SUMF1: variants seen among roughly 807,000 people sequenced by gnomAD.
SUMF1 encodes formylglycine-generating enzyme.
In SUMF1, 48 loss-of-function variants were observed where a neutral mutation model predicts 47.6. That is an observed-to-expected ratio of 1.01 (90% CI 0.80 to 1.28). The LOEUF (loss-of-function observed/expected upper bound fraction) is 1.28, where lower values mean the gene tolerates loss of function less well. Ranked by LOEUF, SUMF1 falls within the 50% of genes most tolerant of loss-of-function variation. SUMF1 has a pLI of 0.00. For synonymous variants in SUMF1, 230 were observed against 192.1 expected, an observed-to-expected ratio of 1.20 and a Z score of -1.63; for missense variants, 571 against 485.4, an observed-to-expected ratio of 1.18 and a Z score of -1.66.
At chr3:4,036,849 CAAAAAAAAAA>C (rs3048145) in intron 9 of SUMF1, among the ~76,000 whole-genome samples, 6 of 75,144 alleles carry the variant, frequency 8.0e-5, no homozygotes, top group Admixed American at 1.2e-4. Context: ...GTCAGTGAGG[CAAAAAAAAAA>C]AAAAAAAAAA....
At chr3:4,192,015 C>T (rs1365806669) in intron 8 of SUMF1, among the ~76,000 whole-genome samples, 1 of 152,030 alleles carries the variant, frequency 6.6e-6, no homozygotes, top group Non-Finnish European at 1.5e-5. Flanking sequence ...TATTTAAAAA[C>T]AATTAAGAAA....
intron 3 of SUMF1, among the ~76,000 whole-genome samples, chr3:4,433,191 C>G (rs1470329802): frequency 6.6e-6 from 1 of 152,184 alleles, no homozygotes; most frequent in Non-Finnish European, 1.5e-5. Context: ...ATTCGAGGGG[C>G]AGGGAACATC....
At chr3:4,277,060 T>C (rs1384283583) in intron 8 of SUMF1, among the ~76,000 whole-genome samples, 3 of 152,096 alleles carry the variant, frequency 2.0e-5, no homozygotes, top group Non-Finnish European at 1.5e-5. Context: ...AATCCAGTGG[T>C]TCCCAAACCT....
intron 7 of SUMF1, among the ~76,000 whole-genome samples, chr3:4,386,936 G>T (rs1420834249): frequency 6.6e-6 from 1 of 151,108 alleles, no homozygotes; most frequent in Non-Finnish European, 1.5e-5. Flanking sequence ...TAACCAGACT[G>T]CACTCCTGGA....
At chr3:4,053,463 C>T (rs1001101317) in intron 9 of SUMF1, among the ~76,000 whole-genome samples, 2 of 152,104 alleles carry the variant, frequency 1.3e-5, no homozygotes, top group African/African-American at 4.8e-5. Context: ...AATAGCCTTG[C>T]TTTACGCAAG....
intron 8 of SUMF1, among the ~76,000 whole-genome samples, chr3:4,365,062 T>G (rs1184163518): frequency 2.0e-5 from 3 of 151,860 alleles, no homozygotes; most frequent in Non-Finnish European, 2.9e-5. Flanking sequence ...CTAGTTTGAT[T>G]GCACTGTGGT....
At chr3:4,082,313 CA>C (rs746062085) in intron 8 of SUMF1, among the ~76,000 whole-genome samples, 2 of 151,120 alleles carry the variant, frequency 1.3e-5, no homozygotes, top group South Asian at 2.1e-4. Context: ...ACAAAAAGTA[CA>C]AAAAAAATAG....
intron 8 of SUMF1, among the ~76,000 whole-genome samples, chr3:4,191,268 G>A (rs1553607535): frequency 2.0e-5 from 3 of 152,210 alleles, no homozygotes; most frequent in East Asian, 1.9e-4. Flanking sequence ...GTGGGTTGGA[G>A]AGAGGGCAAA....
intron 7 of SUMF1, among the ~76,000 whole-genome samples, chr3:4,385,105 C>T (rs1700630638): frequency 6.6e-6 from 1 of 151,994 alleles, no homozygotes; most frequent in South Asian, 2.1e-4. Flanking sequence ...AGGCTGGTCT[C>T]GAACTCCTGA....
At chr3:4,170,841 G>A (rs1694817985) in intron 8 of SUMF1, among the ~76,000 whole-genome samples, 2 of 152,120 alleles carry the variant, frequency 1.3e-5, no homozygotes, top group African/African-American at 2.4e-5. Flanking sequence ...ACAAAAAGGA[G>A]AATAGCCAGC....
At chr3:4,104,666 T>TTATCTCTC (rs1553600529) in intron 8 of SUMF1, among the ~76,000 whole-genome samples, 5 of 146,752 alleles carry the variant, frequency 3.4e-5, no homozygotes, top group African/African-American at 1.0e-4. Flanking sequence ...AAATCTCGAT[T>TTATCTCTC]TCTCTCTCTC....
chr3:4,147,848 T>C (rs571946333), intron 8 of SUMF1, among the ~76,000 whole-genome samples: 43 of 152,228 alleles, frequency 2.8e-4, no homozygotes, highest in African/African-American at 7.5e-4. Flanking sequence ...AATTTCCCCT[T>C]CCCTGATCTT....
At chr3:4,101,960 CA>C (rs1452090286) in intron 8 of SUMF1, among the ~76,000 whole-genome samples, 16 of 152,178 alleles carry the variant, frequency 1.1e-4, no homozygotes, top group African/African-American at 3.9e-4. Context: ...CACAGAGTGG[CA>C]GAAGAGCGAA....
In SUMF1 at chr3:4,267,828, C is replaced by T. The variant is rs375295152; in HGVS notation, c.1014+108502G>A. ...TCAACCATTGTGGAAGTCAGTGTGGCGATTCCTCAGGGATCTAGAACTAGA... is the reference window on the plus strand; with the variant it reads ...TCAACCATTGTGGAAGTCAGTGTGGTGATTCCTCAGGGATCTAGAACTAGA... On this transcript the variant is annotated intron_variant and NMD_transcript_variant, in intron 8 of 12. Transcript: ENST00000448413. Among the ~76,000 whole-genome samples, 52 of 148,388 alleles carry T rather than the reference C, an allele frequency of 3.5e-4. 1 individual carries two copies. In the East Asian group the frequency reaches 7.3e-3, roughly 21 times the overall value.
At chr3:4,137,252 G>C (rs1693955054) in intron 8 of SUMF1, among the ~76,000 whole-genome samples, 1 of 152,188 alleles carries the variant, frequency 6.6e-6, no homozygotes, top group East Asian at 1.9e-4. Flanking sequence ...ACTGGATTAA[G>C]AAAATGTGGC....
intron 8 of SUMF1, among the ~76,000 whole-genome samples, chr3:4,289,831 T>C (rs753009615): frequency 6.6e-6 from 1 of 152,224 alleles, no homozygotes; most frequent in Non-Finnish European, 1.5e-5. Context: ...ATAAACACGC[T>C]GAATAACTAC....
At chr3:4,148,562 C>T (rs866704420) in intron 8 of SUMF1, among the ~76,000 whole-genome samples, 5 of 152,142 alleles carry the variant, frequency 3.3e-5, no homozygotes, top group South Asian at 2.1e-4. Flanking sequence ...AGCAAAGTTT[C>T]CTGTGATGGA....
intron 8 of SUMF1, among the ~76,000 whole-genome samples, chr3:4,266,002 C>T (rs1441202403): frequency 6.6e-6 from 1 of 152,034 alleles, no homozygotes; most frequent in Non-Finnish European, 1.5e-5. Context: ...TTCCCCATTG[C>T]TTGTTTTTCT....
intron 8 of SUMF1, among the ~76,000 whole-genome samples, chr3:4,174,612 C>A (rs1694916674): frequency 6.6e-6 from 1 of 152,042 alleles, no homozygotes; most frequent in South Asian, 2.1e-4. Flanking sequence ...CAGCTCCCAG[C>A]ATGATCAACG....
Sources: allele counts gnomAD v4.1 joint callset (sites outside exome capture counted in the v4.1 genomes callset), GRCh38; gene constraint gnomAD v4.1.1; transcripts MANE v1.5; gene names NCBI Gene and HGNC (gene_info 2026-07-23, HGNC 2026-07-21).